The following SLC35F1 variants were observed in gnomAD, a reference collection of about 807,000 sequenced individuals.
SLC35F1 encodes the protein solute carrier family 35 member F1.
A neutral mutation model predicts 48.7 loss-of-function variants in SLC35F1; 14 were observed. That is an observed-to-expected ratio of 0.29 (90% confidence interval 0.19 to 0.45). The LOEUF is 0.45. Ranked by LOEUF, SLC35F1 falls within the 20% of genes least tolerant of loss-of-function variation. The probability of loss-of-function intolerance (pLI) is 1.00; values close to 1 mark genes in which losing one functional copy is unlikely to be tolerated. For synonymous variants in SLC35F1, 190 were observed against 202.2 expected, an observed-to-expected ratio of 0.94 and a Z score of 0.51; for missense variants, 404 against 500.0, an observed-to-expected ratio of 0.81 and a Z score of 1.83.
chr6:118,011,870 G>C (rs145089189), intron 1 of SLC35F1, among the ~76,000 whole-genome samples: 1 of 152,106 alleles, frequency 6.6e-6, no homozygotes, highest in Non-Finnish European at 1.5e-5. Context: ...CTAATATTGA[G>C]ACAGAAGCAC....
intron 1 of SLC35F1, among the ~76,000 whole-genome samples, chr6:118,122,113 T>G (rs769633120): frequency 6.6e-6 from 1 of 152,148 alleles, no homozygotes; most frequent in Non-Finnish European, 1.5e-5. Context: ...ATTTTGTGTC[T>G]CAACTGATGC....
At chr6:118,264,940 C>T (rs565230448) in intron 3 of SLC35F1, among the ~76,000 whole-genome samples, 1 of 152,344 alleles carries the variant, frequency 6.6e-6, no homozygotes, top group South Asian at 2.1e-4. Context: ...TAGTACAATC[C>T]TACCTGCCAC....
rs374029554 is a variant in SLC35F1, at chr6:118,247,965, C to T, written c.477+12329C>T. Among the ~76,000 whole-genome samples the T allele has an allele frequency of 1.7e-4, 26 of 152,248 alleles. 1 individual carries two copies. The South Asian group carries it at 5.2e-3, about 30-fold the overall frequency. On this transcript the variant is annotated intron_variant, in intron 3 of 7. Transcript: ENST00000360388. ...GCATAATCCAGCATTTTGGTTCTTT[C>T]CAAATAGTAAAACCTACCCAAAAAG... is the stretch of plus-strand genomic sequence containing the variant.
chr6:117,924,420 T>C lies in SLC35F1; in HGVS notation c.173+16521T>C, dbSNP rs12173291. Among the ~76,000 whole-genome samples, 33 of 117,476 alleles carry C rather than the reference T, an allele frequency of 2.8e-4. 1 individual carries two copies. The East Asian group carries it at 5.8e-3, about 21-fold the overall frequency. The allele number at this position is 117,476 out of a possible 152,430, so 77.1% of individuals were successfully genotyped here. On this transcript the variant is annotated intron_variant, in intron 1 of 7. Transcript: ENST00000360388. ...ATAGGTACACATGCATATGTATATATACACATACGCATAACACATATATAC... is the reference window on the plus strand; with the variant it reads ...ATAGGTACACATGCATATGTATATACACACATACGCATAACACATATATAC...
chr6:118,269,139 A>C (rs1775818771), intron 4 of SLC35F1, among the ~76,000 whole-genome samples: 1 of 152,210 alleles, frequency 6.6e-6, no homozygotes. Flanking sequence ...ATCCTGTAAA[A>C]AATGTTGTTT....
intron 3 of SLC35F1, among the ~76,000 whole-genome samples, chr6:118,237,508 C>T (rs1260555991): frequency 6.6e-6 from 1 of 152,154 alleles, no homozygotes; most frequent in African/African-American, 2.4e-5. Context: ...CTGGCCTCAG[C>T]CCCCACAAGT....
At chr6:117,948,351 C>G (rs1334119655) in intron 1 of SLC35F1, among the ~76,000 whole-genome samples, 1 of 152,082 alleles carries the variant, frequency 6.6e-6, no homozygotes, top group Non-Finnish European at 1.5e-5. Flanking sequence ...GTAAAGAGTA[C>G]CTACTCCTTT....
At chr6:118,064,371 T>C (rs894469303) in intron 1 of SLC35F1, among the ~76,000 whole-genome samples, 1 of 152,216 alleles carries the variant, frequency 6.6e-6, no homozygotes, top group Non-Finnish European at 1.5e-5. Context: ...TTAATGACAC[T>C]TGAGGAATTG....
chr6:118,199,933 A>G (rs1431412025), intron 2 of SLC35F1, among the ~76,000 whole-genome samples: 1 of 152,194 alleles, frequency 6.6e-6, no homozygotes, highest in Non-Finnish European at 1.5e-5. Flanking sequence ...TAAATTGTAC[A>G]TTTGACAACT....
intron 1 of SLC35F1, among the ~76,000 whole-genome samples, chr6:118,088,084 G>A (rs5017623): frequency 0.34 from 51,849 of 152,022 alleles, 9,409 homozygotes; most frequent in Middle Eastern, 0.47. Flanking sequence ...TATAATCACT[G>A]AGTTACTTTA....
intron 2 of SLC35F1, among the ~76,000 whole-genome samples, chr6:118,232,852 A>C (rs1339917107): frequency 1.3e-5 from 2 of 152,140 alleles, no homozygotes. Flanking sequence ...TGGCCATTGA[A>C]AATTAATCAT....
At chr6:118,112,727 T>C (rs1163378544) in intron 1 of SLC35F1, among the ~76,000 whole-genome samples, 1 of 152,056 alleles carries the variant, frequency 6.6e-6, no homozygotes, top group Admixed American at 6.6e-5. Flanking sequence ...ATATAATTGA[T>C]ATACTAAGAG....
At chr6:118,296,734 G>A (rs1475548087) in intron 7 of SLC35F1, among the ~76,000 whole-genome samples, 4 of 152,162 alleles carry the variant, frequency 2.6e-5, no homozygotes, top group South Asian at 2.1e-4. Context: ...AGTTTCAAAC[G>A]GAAAGGATTG....
At chr6:118,114,539 A>ATT (rs386408393) in intron 1 of SLC35F1, among the ~76,000 whole-genome samples, 28,330 of 148,478 alleles carry the variant, frequency 0.19, 2,839 homozygotes, top group East Asian at 0.33. Context: ...ACGCCCAGCT[A>ATT]TTTTTTTTTT....
chr6:118,168,290 C>A (rs1338968242), intron 2 of SLC35F1, among the ~76,000 whole-genome samples: 2 of 152,076 alleles, frequency 1.3e-5, no homozygotes, highest in East Asian at 3.9e-4. Flanking sequence ...ATATTCCCCC[C>A]TTATTCTCAT....
intron 2 of SLC35F1, among the ~76,000 whole-genome samples, chr6:118,225,955 T>C (rs1274698361): frequency 1.6e-4 from 3 of 19,260 alleles, no homozygotes; most frequent in Non-Finnish European, 2.6e-4. Context: ...GAGAAAATAT[T>C]TGGAAATATT....
rs1562122036 is a variant in SLC35F1 at position 118,314,627 on chromosome 6, A to C, written c.*375A>C. The C allele has an allele frequency of 8.1e-6, 2 of 247,668 alleles. No individual in the cohort carries two copies. The highest frequency in any genetic ancestry group is 1.6e-5 in the Non-Finnish European group (2 of 124,450). The allele number at this position is 247,668 out of a possible 1,614,324, so 15.3% of individuals were successfully genotyped here. ...TGTACTCCTGATGGAAACTATTGCC[A>C]GACCCACATGTAGTCAACATAAACC... On this transcript the variant is annotated 3_prime_UTR_variant, in exon 8 of 8. Transcript: ENST00000360388.
chr6:117,950,776 A>G (rs1737002263), intron 1 of SLC35F1, among the ~76,000 whole-genome samples: 1 of 152,244 alleles, frequency 6.6e-6, no homozygotes, highest in Admixed American at 6.5e-5. Flanking sequence ...AAACATGATT[A>G]AAACATTTAA....
At chr6:118,018,438 A>T (rs1777351388) in intron 1 of SLC35F1, among the ~76,000 whole-genome samples, 1 of 152,174 alleles carries the variant, frequency 6.6e-6, no homozygotes, top group Non-Finnish European at 1.5e-5. Flanking sequence ...ATGAGGTTAA[A>T]TGATCAATTC....
Sources: gnomAD v4.1 joint callset for allele counts (sites outside exome capture counted in the v4.1 genomes callset) on GRCh38, gnomAD v4.1.1 for gene constraint, MANE v1.5 for transcripts, NCBI Gene and HGNC (gene_info 2026-07-23, HGNC 2026-07-21) for gene names.